Variants in NUP153 observed in about 807,000 individuals in gnomAD.
NUP153 encodes the protein nucleoporin 153, also known as nuclear pore complex protein Nup153.
In NUP153, 27 loss-of-function variants were observed where a neutral mutation model predicts 134.6. The ratio of observed to expected loss-of-function variants is 0.20; its 90% CI spans 0.15 to 0.28. The LOEUF (loss-of-function observed/expected upper bound fraction) is 0.28. Among genes scored for constraint, NUP153 ranks in the 10% least tolerant of loss-of-function variants. The pLI is 1.00. For missense variants in NUP153, 1,821 were observed against 1,731.3 expected, an observed-to-expected ratio of 1.05 and a Z score of -0.92; for synonymous variants, 640 against 623.5, an observed-to-expected ratio of 1.03 and a Z score of -0.40.
intron 15 of NUP153, among the ~76,000 whole-genome samples, chr6:17,639,260 A>C (rs1422846535): frequency 1.3e-5 from 2 of 151,730 alleles, no homozygotes; most frequent in African/African-American, 2.4e-5. Flanking sequence ...TCTCTTTTTA[A>C]TAGAGATGGG....
Position 17,706,485 on chromosome 6 carries a change from C to T in NUP153, c.-98G>A. ...AGCCTCCCCCGCCGCCCGGCCCCGG[C>T]CCAAAAGTCCGCCCGCGCTGTCCAC... is the stretch of plus-strand genomic sequence containing the variant. On this transcript the variant is annotated 5_prime_UTR_variant, in exon 1 of 22. Coordinates refer to ENST00000262077, the MANE Select transcript of NUP153 (RefSeq NM_005124.4). This position sits in a 1 kb window ranked among gnomAD's most constrained non-coding sequence, Gnocchi z 5.9. The T allele has an allele frequency of 1.1e-6, 1 of 872,678 alleles. No homozygotes were observed. Among genetic ancestry groups the T allele is most frequent in the Non-Finnish European group, 1.7e-6 (1 of 575,444 alleles). The allele number at this position is 872,678 out of a possible 1,614,324, so 54.1% of individuals were successfully genotyped here.
chr6:17,663,415 C>G (rs1384455540), intron 9 of NUP153, among the ~76,000 whole-genome samples: 1 of 152,036 alleles, frequency 6.6e-6, no homozygotes, highest in African/African-American at 2.4e-5. Context: ...AGACACGCAC[C>G]ACCACATCTG....
intron 1 of NUP153, among the ~76,000 whole-genome samples, chr6:17,690,855 G>T (rs1769228549): frequency 6.6e-6 from 1 of 152,046 alleles, no homozygotes; most frequent in African/African-American, 2.4e-5. Context: ...TATGTGAAAA[G>T]GTAGCCGGGC....
chr6:17,651,500 G>A (rs1766491823), intron 11 of NUP153, among the ~76,000 whole-genome samples: 1 of 151,952 alleles, frequency 6.6e-6, no homozygotes, highest in Non-Finnish European at 1.5e-5. Flanking sequence ...TTAAAACACA[G>A]AAAATGGACA....
At chr6:17,654,425 G>C (rs1205408376) in intron 11 of NUP153, among the ~76,000 whole-genome samples, 1 of 151,638 alleles carries the variant, frequency 6.6e-6, no homozygotes, top group East Asian at 1.9e-4. Flanking sequence ...GGTTTCAACC[G>C]ATTCTCCTGC....
At chr6:17,616,749 G>T (rs946922694) in intron 20 of NUP153, 54 bp from the exon 21 acceptor site, 107 of 1,482,022 alleles carry the variant, frequency 7.2e-5, no homozygotes, top group Non-Finnish European at 8.9e-5. Context: ...AGGTTTTTTT[G>T]TTTGTTTGTT....
chr6:17,658,400 GAAAACAAAAC>G lies in NUP153; in HGVS notation c.1395+3243_1395+3252del, dbSNP rs550067793. On this transcript the variant is annotated intron_variant, in intron 11 of 21. Coordinates refer to ENST00000262077, the MANE Select transcript of NUP153 (RefSeq NM_005124.4). ...CACAGAGCAAGACTGTCTCAAAACA[GAAAACAAAAC>G]AAAACAAAACAAAACACCCAAAGAA... is the stretch of plus-strand genomic sequence containing the variant. 3.9e-5 allele frequency among the ~76,000 whole-genome samples: 6 copies of G among 152,006 alleles called. No homozygotes were observed. In the South Asian group the frequency reaches 8.3e-4, roughly 21 times the overall value.
intron 2 of NUP153, among the ~76,000 whole-genome samples, chr6:17,682,241 A>T (rs1383148565): frequency 4.1e-5 from 6 of 145,958 alleles, no homozygotes; most frequent in South Asian, 2.1e-4. Flanking sequence ...ATACCTACTT[A>T]AAAAAAAATT....
intron 1 of NUP153, among the ~76,000 whole-genome samples, chr6:17,694,378 G>A (rs1010205833): frequency 9.9e-5 from 15 of 152,182 alleles, no homozygotes; most frequent in African/African-American, 3.4e-4. Context: ...AAGGATAGGA[G>A]CTGGGCCCGG....
At chr6:17,679,415 T>G (rs1286453458) in intron 2 of NUP153, among the ~76,000 whole-genome samples, 1 of 152,188 alleles carries the variant, frequency 6.6e-6, no homozygotes, top group Non-Finnish European at 1.5e-5. Flanking sequence ...ACTACAAGAC[T>G]AAATATTGTT....
chr6:17,673,582 C>T (rs902793699), intron 5 of NUP153, among the ~76,000 whole-genome samples: 3 of 152,056 alleles, frequency 2.0e-5, no homozygotes, highest in Admixed American at 1.3e-4. Context: ...AGCAAATAAG[C>T]ACCAAATAAA....
At chr6:17,668,225 A>G (rs1001105221) in intron 8 of NUP153, among the ~76,000 whole-genome samples, 1 of 151,176 alleles carries the variant, frequency 6.6e-6, no homozygotes, top group Non-Finnish European at 1.5e-5. Context: ...ACAGGTGCGC[A>G]CCGCCACACC....
At chr6:17,637,937 A>G (rs968773188) in intron 15 of NUP153, among the ~76,000 whole-genome samples, 167 bp from the exon 16 acceptor site, 18 of 152,220 alleles carry the variant, frequency 1.2e-4, no homozygotes, top group African/African-American at 4.3e-4. Context: ...TTTATCAATT[A>G]CCTAATAAGT....
At chr6:17,701,846 A>AGGGGGGGGG (rs1561916995) in intron 1 of NUP153, among the ~76,000 whole-genome samples, 1 of 65,640 alleles carries the variant, frequency 1.5e-5, no homozygotes, top group African/African-American at 5.0e-5. Flanking sequence ...GGGGGGGGGA[A>AGGGGGGGGG]AAAAGCTAAA....
rs771771320 is a variant in NUP153, at chr6:17,675,695, T to C, written c.410A>G (p.Asn137Ser). The C allele has an allele frequency of 1.2e-5, 19 of 1,613,934 alleles. No homozygotes were observed. The African/African-American group carries it at 2.4e-4, about 20-fold the overall frequency. Residue 137 changes from asparagine (N) to serine (S), a missense_variant, in exon 3 of 22, where the codon AAT becomes AGT. Transcript: ENST00000262077. The surrounding 1 kb of genome is among the most constrained non-coding windows in gnomAD (Gnocchi z 4.4). ...TGCAGGGGATTCCAACATGGAAAAA[T>C]TCAGATGGCTCCGATGAAGAGAAGG... ...TRPSLHRSHL[N>S]FSMLESPALH...
At chr6:17,699,481 C>CAAAAAA (rs147055009) in intron 1 of NUP153, among the ~76,000 whole-genome samples, 2 of 97,562 alleles carry the variant, frequency 2.0e-5, no homozygotes, top group African/African-American at 4.2e-5. Context: ...AGACTCGTCT[C>CAAAAAA]AAAAAAAAAA....
intron 2 of NUP153, among the ~76,000 whole-genome samples, chr6:17,686,899 G>T (rs1289851217): frequency 6.9e-6 from 1 of 145,852 alleles, no homozygotes; most frequent in Non-Finnish European, 1.5e-5. Flanking sequence ...GGCGGCGGGG[G>T]AGGGGGGCGG....
At chr6:17,702,060 T>G (rs929339326) in intron 1 of NUP153, among the ~76,000 whole-genome samples, 2 of 151,068 alleles carry the variant, frequency 1.3e-5, no homozygotes, top group Non-Finnish European at 2.9e-5. Context: ...GGACTCAAGT[T>G]TTTTGTAGTG....
At chr6:17,639,280 T>C (rs925581081) in intron 15 of NUP153, among the ~76,000 whole-genome samples, 8 of 152,118 alleles carry the variant, frequency 5.3e-5, no homozygotes, top group African/African-American at 1.9e-4. Flanking sequence ...GGTTTCGCCA[T>C]GTTGGCCAGG....
Sources: gnomAD v4.1 joint callset for allele counts (sites outside exome capture counted in the v4.1 genomes callset) on GRCh38, gnomAD v4.1.1 for gene constraint, Gnocchi (gnomAD v3.1) non-coding constraint, MANE v1.5 for transcripts, NCBI Gene and HGNC (gene_info 2026-07-23, HGNC 2026-07-21) for gene names.